The following KCNN3 variants were observed in gnomAD, a reference collection of about 807,000 sequenced individuals.
KCNN3 encodes the protein potassium calcium-activated channel subfamily N member 3, also known as small conductance calcium-activated potassium channel protein 3.
KCNN3 carries 16 observed loss-of-function variants against 62.9 expected under a neutral mutation model. The ratio of observed to expected loss-of-function variants is 0.25; its 90% CI spans 0.17 to 0.39. The LOEUF (loss-of-function observed/expected upper bound fraction) is 0.39, where lower values mean the gene tolerates loss of function less well. KCNN3 is among the 10% of genes least tolerant of loss of function. The pLI is 1.00. For missense variants in KCNN3, 599 were observed against 949.4 expected (o/e 0.63, Z 4.85); for synonymous variants, 370 against 389.2 (o/e 0.95, Z 0.58).
At chr1:154,808,889 G>A (rs1650289199) in intron 2 of KCNN3, among the ~76,000 whole-genome samples, 1 of 152,228 alleles carries the variant, frequency 6.6e-6, no homozygotes, top group South Asian at 2.1e-4. Flanking sequence ...TCTGAGGGCA[G>A]TGAGGGGCAG....
At chr1:154,793,145 G>A (rs1649589128) in intron 2 of KCNN3, among the ~76,000 whole-genome samples, 9 of 152,192 alleles carry the variant, frequency 5.9e-5, no homozygotes, top group Admixed American at 5.2e-4. Flanking sequence ...TTGAAAAGCT[G>A]TAATAAATCA....
chr1:154,761,030 A>G (rs1210628113), intron 3 of KCNN3, among the ~76,000 whole-genome samples: 1 of 152,262 alleles, frequency 6.6e-6, no homozygotes, highest in Non-Finnish European at 1.5e-5. Context: ...TTGATGTAAA[A>G]CATGAGTTCC....
intron 2 of KCNN3, among the ~76,000 whole-genome samples, chr1:154,805,948 G>T (rs992666328): frequency 5.9e-5 from 9 of 152,162 alleles, no homozygotes; most frequent in Admixed American, 5.2e-4. Flanking sequence ...ATCTAGATGG[G>T]CACAACATAA....
In KCNN3 at chr1:154,725,790, T is replaced by A. The variant is rs555617555; in HGVS notation, c.1701+126A>T. The A allele has an allele frequency of 3.1e-4, 222 of 721,590 alleles. 4 individuals carry two copies. The South Asian group carries it at 3.2e-3, about 10-fold the overall frequency. The allele number at this position is 721,590 out of a possible 1,614,324, so 44.7% of individuals were successfully genotyped here. A position where few individuals can be genotyped will look rare whatever the true frequency, so the allele number is the denominator to read the frequency against. ...GATCTCCTGACCTTGTGATCGACCC[T>A]CCTCAGCCTCCTAAAGTGTTGGGAT... On this transcript the variant is annotated intron_variant, in intron 5 of 7. Coordinates refer to ENST00000271915, the MANE Select transcript of KCNN3 (RefSeq NM_002249.6).
chr1:154,710,301 G>T (rs1291733300), intron 7 of KCNN3, among the ~76,000 whole-genome samples: 5 of 152,188 alleles, frequency 3.3e-5, no homozygotes, highest in African/African-American at 1.2e-4. Flanking sequence ...CCCCTGTTCC[G>T]TTGCTTGGTG....
At chr1:154,798,447 G>A (rs1255833323) in intron 2 of KCNN3, among the ~76,000 whole-genome samples, 1 of 152,208 alleles carries the variant, frequency 6.6e-6, no homozygotes, top group African/African-American at 2.4e-5. Flanking sequence ...CTAACTCAAA[G>A]TCTCACACAT....
At chr1:154,867,754 C>G (rs1245550259) in intron 1 of KCNN3, among the ~76,000 whole-genome samples, 1 of 125,846 alleles carries the variant, frequency 7.9e-6, no homozygotes, top group Non-Finnish European at 1.6e-5. Context: ...CCCCAAATGA[C>G]AAATAAATAG....
At chr1:154,835,309 C>A (rs891923312) in intron 1 of KCNN3, among the ~76,000 whole-genome samples, 6 of 152,178 alleles carry the variant, frequency 3.9e-5, no homozygotes, top group African/African-American at 4.8e-5. Flanking sequence ...ATATAATAAT[C>A]TCAAAAGTGT....
At chr1:154,763,524 A>C (rs1648117195) in intron 3 of KCNN3, among the ~76,000 whole-genome samples, 1 of 152,182 alleles carries the variant, frequency 6.6e-6, no homozygotes, top group African/African-American at 2.4e-5. Flanking sequence ...CTATCAGTGC[A>C]CACCATTGTG....
Position 154,698,258 on chromosome 1 carries a change from G to A in KCNN3, c.*9718C>T, listed in dbSNP as rs1157331891. On this transcript the variant is annotated 3_prime_UTR_variant, in exon 8 of 8. Coordinates refer to ENST00000271915, the MANE Select transcript of KCNN3 (RefSeq NM_002249.6). Reference sequence around the variant, plus strand: ...TATGGGAAGGAAAGTAAGGGTACAGGGTTTTCAACTTGGGGAAATTCATTT... The same window carrying A: ...TATGGGAAGGAAAGTAAGGGTACAGAGTTTTCAACTTGGGGAAATTCATTT... The A allele has an allele frequency of 6.6e-6, 1 of 152,042 alleles. No individual in the cohort carries two copies. Among genetic ancestry groups the A allele is most frequent in the African/African-American group, 2.4e-5 (1 of 41,388 alleles). 9.4% of individuals were successfully genotyped at this position (152,042 alleles called of 1,614,324 possible).
At chr1:154,795,585 A>G (rs1407386099) in intron 2 of KCNN3, among the ~76,000 whole-genome samples, 2 of 152,208 alleles carry the variant, frequency 1.3e-5, no homozygotes, top group African/African-American at 4.8e-5. Flanking sequence ...ACGGGCCTGG[A>G]CCACCCTCAT....
chr1:154,825,830 C>T (rs1401722783), intron 1 of KCNN3, among the ~76,000 whole-genome samples: 2 of 151,218 alleles, frequency 1.3e-5, no homozygotes, highest in Non-Finnish European at 2.9e-5. Flanking sequence ...GGGCAGATCA[C>T]GAGGTCAGGA....
Position 154,795,350 on chromosome 1 carries a change from A to T in KCNN3, c.1030-22957T>A, listed in dbSNP as rs1454424149. On this transcript the variant is annotated intron_variant, in intron 2 of 7. Transcript: ENST00000271915. ...GCGTGAAAGAACGCACTTTGCAAAC[A>T]TAAGAGCACACACAGGGGCCACCCC... Among the ~76,000 whole-genome samples the T allele has an allele frequency of 1.2e-4, 19 of 152,346 alleles. No homozygotes were observed. In the East Asian group the frequency reaches 3.5e-3, roughly 28 times the overall value.
chr1:154,707,209 T>C lies in KCNN3; in HGVS notation c.*767A>G, dbSNP rs921667283. 1.1e-4 allele frequency: 16 copies of C among 152,316 alleles called. No individual in the cohort carries two copies. The highest frequency in any genetic ancestry group is 3.1e-4 in the African/African-American group (13 of 41,570). The allele number at this position is 152,316 out of a possible 1,614,324, so 9.4% of individuals were successfully genotyped here. A position where few individuals can be genotyped will look rare whatever the true frequency, so the allele number is the denominator to read the frequency against. ...AACTACCTGAACTGAAAGCACCCCATGTTCAGATTCAGACCAACTCAAAAC... is the reference window on the plus strand; with the variant it reads ...AACTACCTGAACTGAAAGCACCCCACGTTCAGATTCAGACCAACTCAAAAC... On this transcript the variant is annotated 3_prime_UTR_variant, in exon 8 of 8. Coordinates refer to ENST00000271915, the MANE Select transcript of KCNN3 (RefSeq NM_002249.6).
chr1:154,809,985 C>G lies in KCNN3; in HGVS notation c.1029+12104G>C, dbSNP rs1314185295. Among the ~76,000 whole-genome samples, 1 of 152,174 alleles carries G rather than the reference C, an allele frequency of 6.6e-6. No individual in the cohort carries two copies. The highest frequency in any genetic ancestry group is 1.5e-5 in the Non-Finnish European group (1 of 68,038). On this transcript the variant is annotated intron_variant, in intron 2 of 7. Transcript: ENST00000271915. The surrounding 1 kb of genome is among the most constrained non-coding windows in gnomAD (Gnocchi z 4.3). Reference sequence around the variant, plus strand: ...GTGGTGTGTAAGGGTCAGTGTGTCACCAGATCCCTGGGCTGCTGTGGACCA... The same window carrying G: ...GTGGTGTGTAAGGGTCAGTGTGTCAGCAGATCCCTGGGCTGCTGTGGACCA...
At chr1:154,733,580 C>T (rs1297508512) in intron 3 of KCNN3, among the ~76,000 whole-genome samples, 9 of 152,114 alleles carry the variant, frequency 5.9e-5, no homozygotes, top group African/African-American at 1.9e-4. Flanking sequence ...ACATATTCAG[C>T]GATTTCCTCT....
At chr1:154,748,983 G>C (rs959435654) in intron 3 of KCNN3, among the ~76,000 whole-genome samples, 2 of 152,060 alleles carry the variant, frequency 1.3e-5, no homozygotes, top group African/African-American at 4.8e-5. Context: ...CCCTGTCTTT[G>C]ACCATATTGC....
At chr1:154,858,430 G>T (rs983052946) in intron 1 of KCNN3, among the ~76,000 whole-genome samples, 1 of 152,218 alleles carries the variant, frequency 6.6e-6, no homozygotes, top group South Asian at 2.1e-4. Flanking sequence ...GCTGCGCAAG[G>T]CCACACAGCC....
intron 1 of KCNN3, among the ~76,000 whole-genome samples, chr1:154,836,537 C>T (rs1651597120): frequency 6.6e-6 from 1 of 152,226 alleles, no homozygotes; most frequent in South Asian, 2.1e-4. Context: ...CCTGTGGGTT[C>T]TTGCTGACTG....
Sources: allele counts gnomAD v4.1 joint callset (sites outside exome capture counted in the v4.1 genomes callset), GRCh38; gene constraint gnomAD v4.1.1; non-coding constraint Gnocchi (gnomAD v3.1); transcripts MANE v1.5; gene names NCBI Gene and HGNC (gene_info 2026-07-23, HGNC 2026-07-21).